Variants in RBFOX1 observed in about 807,000 individuals in gnomAD.
RBFOX1 encodes the protein RNA binding protein fox-1 homolog 1.
RBFOX1 carries 8 observed loss-of-function variants against 57.7 expected under a neutral mutation model. The observed-to-expected ratio is 0.14, with a 90% confidence interval of 0.08 to 0.25. RBFOX1 has a LOEUF of 0.25. Ranked by LOEUF, RBFOX1 falls within the 10% of genes least tolerant of loss-of-function variation. RBFOX1 has a pLI of 1.00. For synonymous variants in RBFOX1, 326 were observed against 222.4 expected (o/e 1.47, Z -4.15); for missense variants, 611 against 548.5 (o/e 1.11, Z -1.14).
chr16:6,799,502 G>T (rs1412780975), intron 3 of RBFOX1, among the ~76,000 whole-genome samples: 1 of 152,146 alleles, frequency 6.6e-6, no homozygotes, highest in African/African-American at 2.4e-5. Context: ...TTGGATTGAA[G>T]GATGCCTAGA....
chr16:5,997,422 T>G (rs1373094755), intron 4 of RBFOX1, among the ~76,000 whole-genome samples: 3 of 152,210 alleles, frequency 2.0e-5, no homozygotes, highest in Non-Finnish European at 4.4e-5. Context: ...GATGGTATAA[T>G]TAAAAAGAAA....
At chr16:7,354,918 TGTG>T in intron 4 of RBFOX1, among the ~76,000 whole-genome samples, 1 of 152,306 alleles carries the variant, frequency 6.6e-6, no homozygotes, top group Admixed American at 6.5e-5. Context: ...ATTGCTATCT[TGTG>T]GTCTCTTTGC....
intron 4 of RBFOX1, among the ~76,000 whole-genome samples, chr16:7,419,599 A>T (rs1292284388): frequency 6.6e-6 from 1 of 152,238 alleles, no homozygotes; most frequent in African/African-American, 2.4e-5. Context: ...TTAGCTGTTG[A>T]TAACAGGGCC....
At chr16:7,510,515 GCGCGCGCACGCGCGCA>G (rs143031548) in intron 4 of RBFOX1, among the ~76,000 whole-genome samples, 1 of 150,958 alleles carries the variant, frequency 6.6e-6, no homozygotes, top group South Asian at 2.1e-4. Flanking sequence ...GTGTGTGGGC[GCGCGCGCACGCGCGCA>G]CGCGCGCTTT....
At chr16:5,883,053 G>A (rs1185806357) in intron 4 of RBFOX1, among the ~76,000 whole-genome samples, 1 of 152,180 alleles carries the variant, frequency 6.6e-6, no homozygotes, top group Non-Finnish European at 1.5e-5. Flanking sequence ...CTCAAAGCCT[G>A]TACAAGCAGC....
At chr16:5,851,311 G>A (rs764278216) in intron 3 of RBFOX1, among the ~76,000 whole-genome samples, 1 of 152,170 alleles carries the variant, frequency 6.6e-6, no homozygotes, top group African/African-American at 2.4e-5. Context: ...TGTGCAGTGG[G>A]TGCTTTTCGT....
intron 1 of RBFOX1, among the ~76,000 whole-genome samples, chr16:6,294,118 G>C (rs796240555): frequency 1.3e-5 from 2 of 152,188 alleles, no homozygotes; most frequent in African/African-American, 4.8e-5. Context: ...GGAGTTCCAG[G>C]CTGCAGTGAG....
At chr16:7,320,705 T>C (rs569108839) in intron 4 of RBFOX1, among the ~76,000 whole-genome samples, 1 of 152,334 alleles carries the variant, frequency 6.6e-6, no homozygotes, top group African/African-American at 2.4e-5. Context: ...AGCACTCTAA[T>C]TGAGATATAA....
At chr16:5,538,315 A>C (rs1272309307) in intron 2 of RBFOX1, among the ~76,000 whole-genome samples, 1 of 152,230 alleles carries the variant, frequency 6.6e-6, no homozygotes, top group Non-Finnish European at 1.5e-5. Flanking sequence ...GGTAATGAAA[A>C]TAGCATCCAC....
At chr16:6,830,462 A>G (rs2092626541) in intron 3 of RBFOX1, among the ~76,000 whole-genome samples, 1 of 152,172 alleles carries the variant, frequency 6.6e-6, no homozygotes, top group Non-Finnish European at 1.5e-5. Flanking sequence ...ACCTTAGAAA[A>G]ATAAGCAGGA....
intron 3 of RBFOX1, among the ~76,000 whole-genome samples, chr16:6,877,527 C>G (rs2062068032): frequency 6.6e-6 from 1 of 152,138 alleles, no homozygotes; most frequent in African/African-American, 2.4e-5. Flanking sequence ...AGCATCGACT[C>G]TCAGTGCTTG....
At position 6,898,476 on chromosome 16, in the gene RBFOX1, A is replaced by C. The variant is rs1017279634; in HGVS notation, c.-15-153581A>C. On this transcript the variant is annotated intron_variant, in intron 3 of 15. Coordinates refer to ENST00000550418, the MANE Select transcript of RBFOX1 (RefSeq NM_018723.4). The stretch of plus-strand genomic sequence containing the variant: ...GCTCTATCAATTATTTAAGTCTCAT[A>C]ATTCAGTCCATAGTAAAGATTTATT... Among the ~76,000 whole-genome samples, 3 of 152,198 alleles carry C rather than the reference A, an allele frequency of 2.0e-5. 1 individual carries two copies. Among genetic ancestry groups the C allele is most frequent in the Non-Finnish European group, 4.4e-5 (3 of 68,046 alleles).
intron 4 of RBFOX1, among the ~76,000 whole-genome samples, chr16:7,216,000 G>A (rs1406992368): frequency 6.6e-6 from 1 of 152,178 alleles, no homozygotes; most frequent in Non-Finnish European, 1.5e-5. Flanking sequence ...TGAGATTACA[G>A]GCGTGAGCCA....
intron 2 of RBFOX1, among the ~76,000 whole-genome samples, chr16:6,388,179 G>C (rs1409846724): frequency 6.6e-6 from 1 of 151,942 alleles, no homozygotes; most frequent in Non-Finnish European, 1.5e-5. Context: ...TGTTAACCAG[G>C]ATGGTCTTGA....
intron 5 of RBFOX1, among the ~76,000 whole-genome samples, chr16:7,557,768 C>CTT (rs2089135986): frequency 6.6e-6 from 1 of 151,216 alleles, no homozygotes; most frequent in African/African-American, 2.4e-5. Flanking sequence ...CTAGTAAATG[C>CTT]TTAACAACTA....
intron 2 of RBFOX1, among the ~76,000 whole-genome samples, chr16:6,525,940 C>T (rs903334759): frequency 6.6e-6 from 1 of 151,922 alleles, no homozygotes; most frequent in Non-Finnish European, 1.5e-5. Context: ...AGAAAAAAAG[C>T]AAGGGAACTA....
At chr16:7,033,527 G>T (rs1034664054) in intron 3 of RBFOX1, among the ~76,000 whole-genome samples, 1 of 152,100 alleles carries the variant, frequency 6.6e-6, no homozygotes, top group Non-Finnish European at 1.5e-5. Flanking sequence ...CTCAAAAACT[G>T]AAAACAATGG....
chr16:6,754,301 C>A (rs1378179127), intron 3 of RBFOX1, among the ~76,000 whole-genome samples: 1 of 152,162 alleles, frequency 6.6e-6, no homozygotes, highest in Non-Finnish European at 1.5e-5. Flanking sequence ...AACTCAATAT[C>A]CTCAATCCAA....
chr16:5,644,164 A>G (rs1596562900), intron 3 of RBFOX1, among the ~76,000 whole-genome samples: 1 of 152,248 alleles, frequency 6.6e-6, no homozygotes, highest in Non-Finnish European at 1.5e-5. Flanking sequence ...GTCTTTCCAT[A>G]AGGTATAATT....
Sources: gnomAD v4.1 joint callset for allele counts (sites outside exome capture counted in the v4.1 genomes callset) on GRCh38, gnomAD v4.1.1 for gene constraint, MANE v1.5 for transcripts, NCBI Gene and HGNC (gene_info 2026-07-23, HGNC 2026-07-21) for gene names.